PURB: variants seen among roughly 807,000 people sequenced by gnomAD.
The protein encoded by PURB is transcriptional regulator protein Pur-beta.
A neutral mutation model predicts 21.1 loss-of-function variants in PURB; 11 were observed. The observed-to-expected ratio is 0.52, with a 90% CI of 0.33 to 0.86. PURB has a LOEUF of 0.86. Among genes scored for constraint, PURB ranks in the 40% least tolerant of loss-of-function variants. The pLI is 0.02. For synonymous variants in PURB, 246 were observed against 210.8 expected, an observed-to-expected ratio of 1.17 and a Z score of -1.45; for missense variants, 357 against 456.5, an observed-to-expected ratio of 0.78 and a Z score of 1.99.
rs927014120 is a variant in PURB at position 44,882,615 on chromosome 7, A to G, written c.*1795T>C. 2.6e-5 allele frequency: 4 copies of G among 152,244 alleles called. No homozygotes were observed. The highest frequency in any genetic ancestry group is 9.6e-5 in the African/African-American group (4 of 41,464). The allele number at this position is 152,244 out of a possible 1,614,324, so 9.4% of individuals were successfully genotyped here. ...TATTACTCATTTCCCAATAAATACA[A>G]AAAGATTGTATAGATTGAATAATAC... On this transcript the variant is annotated 3_prime_UTR_variant, in exon 1 of 1. Transcript: ENST00000395699.
rs974677645 is a variant in PURB at position 44,878,812 on chromosome 7, G to C, written c.*5598C>G. ...TGATAATTGGACAATTTTCAAGTAA[G>C]AGTCTGTTAAATCCGTCAGTAATAA... is the stretch of plus-strand genomic sequence containing the variant. On this transcript the variant is annotated 3_prime_UTR_variant, in exon 1 of 1. Coordinates refer to ENST00000395699, the MANE Select transcript of PURB (RefSeq NM_033224.5). 2.6e-5 allele frequency: 4 copies of C among 152,428 alleles called. No homozygotes were observed. The highest frequency in any genetic ancestry group is 9.7e-5 in the African/African-American group (4 of 41,432). 9.4% of individuals were successfully genotyped at this position (152,428 alleles called of 1,614,324 possible). A position where few individuals can be genotyped will look rare whatever the true frequency, so the allele number is the denominator to read the frequency against.
At position 44,884,804 on chromosome 7, in the gene PURB, A is replaced by G; in HGVS notation, c.545T>C (p.Phe182Ser). Residue 182 changes from phenylalanine (F) to serine (S), a missense_variant, in exon 1 of 1, where the codon TTC (phenylalanine) becomes TCC (serine). Phe to Ser is a radical substitution (Grantham distance 155). Coordinates refer to ENST00000395699, the MANE Select transcript of PURB (RefSeq NM_033224.5). ...TATGAGCTTCGCCAGCGCGTCGCGGAACTCGATGAGGCCCTGCGCAGGCAG... is the reference window on the plus strand; with the variant it reads ...TATGAGCTTCGCCAGCGCGTCGCGGGACTCGATGAGGCCCTGCGCAGGCAG... The part of the protein sequence containing the change: ...IALPAQGLIE[F>S]RDALAKLIDD... 1 of 1,600,054 alleles carries G rather than the reference A, an allele frequency of 6.2e-7. No homozygotes were observed. The highest frequency in any genetic ancestry group is 8.5e-7 in the Non-Finnish European group (1 of 1,174,156).
At position 44,884,120 on chromosome 7, in the gene PURB, C is replaced by T. The variant is rs192414289; in HGVS notation, c.*290G>A. The T allele has an allele frequency of 2.1e-4, 119 of 572,234 alleles. No homozygotes were observed. The highest frequency in any genetic ancestry group is 1.9e-3 in the African/African-American group (102 of 53,334). The allele number at this position is 572,234 out of a possible 1,614,324, so 35.4% of individuals were successfully genotyped here. On this transcript the variant is annotated 3_prime_UTR_variant, in exon 1 of 1. Transcript: ENST00000395699. ...TCCAGGGATTATCCTGATGGGTTTA[C>T]GAACCTCAGTTGAGAAACAACAGAA...
rs1269423543 is a variant in PURB, at chr7:44,882,431, AAT to A, written c.*1977_*1978del. On this transcript the variant is annotated 3_prime_UTR_variant, in exon 1 of 1. Transcript: ENST00000395699. ...CTACTGTGGATGATGAGAGTAGAGA[AAT>A]AGTCTGAAAAGGGCACCAATGTTTG... 7.9e-5 allele frequency: 12 copies of A among 152,768 alleles called. No homozygotes were observed. Among genetic ancestry groups the A allele is most frequent in the Middle Eastern group, 3.4e-3 (1 of 294 alleles). 9.5% of individuals were successfully genotyped at this position (152,768 alleles called of 1,614,324 possible).
rs943546733 is a variant in PURB, at chr7:44,877,174, T to C, written c.*7236A>G. On this transcript the variant is annotated 3_prime_UTR_variant, in exon 1 of 1. Transcript: ENST00000395699. ...GTGAATAGTCTAAGAAAGCCACTGG[T>C]AGATACTATGATTGGCAGTGAAGAT... 6.6e-6 allele frequency: 1 copy of C among 152,630 alleles called. No homozygotes were observed. The highest frequency in any genetic ancestry group is 2.4e-5 in the African/African-American group (1 of 41,454). 9.5% of individuals were successfully genotyped at this position (152,630 alleles called of 1,614,324 possible).
Position 44,884,483 on chromosome 7 carries a change from T to G in PURB, c.866A>C (p.Lys289Thr), listed in dbSNP as rs763296168. 1.2e-6 allele frequency: 2 copies of G among 1,613,812 alleles called. No homozygotes were observed. The highest frequency in any genetic ancestry group is 1.7e-6 in the Non-Finnish European group (2 of 1,179,986). The change falls in exon 1 of 1, where the codon AAG becomes ACG. Residue 289 changes from lysine to threonine, a missense_variant. Lys to Thr is a moderately conservative substitution (Grantham distance 78, BLOSUM62 -1). Transcript: ENST00000395699. ...GCCCCCACCACGTCGCTCATAAAGCTTATCCCTCTGTCGTTCCTGGATTTC... is the reference window on the plus strand; with the variant it reads ...GCCCCCACCACGTCGCTCATAAAGCGTATCCCTCTGTCGTTCCTGGATTTC... Reference protein sequence around the residue: ...MKEIQERQRDKLYERRGGGSG... With the variant: ...MKEIQERQRDTLYERRGGGSG...
rs753038925 is a variant in PURB, at chr7:44,885,184, C to T, written c.165G>A (p.Lys55=). Residue 55 remains lysine (K), a synonymous_variant, in exon 1 of 1, where the codon AAG becomes AAA. Coordinates refer to ENST00000395699, the MANE Select transcript of PURB (RefSeq NM_033224.5). ...CCTCGGCGATCTTGAGGAAGCGGCC[C>T]TTGGCGTTCTGCTTCACATCTAAGT... ...RFYLDVKQNA[K]GRFLKIAEVG... 3.1e-6 allele frequency: 5 copies of T among 1,588,270 alleles called. No homozygotes were observed. The highest frequency in any genetic ancestry group is 4.8e-5 in the East Asian group (2 of 42,050).
rs1312711814 is a variant in PURB at position 44,882,250 on chromosome 7, T to C, written c.*2160A>G. The C allele has an allele frequency of 6.6e-6, 1 of 152,634 alleles. No individual in the cohort carries two copies. The highest frequency in any genetic ancestry group is 2.4e-5 in the African/African-American group (1 of 41,452). The allele number at this position is 152,634 out of a possible 1,614,324, so 9.5% of individuals were successfully genotyped here. Reference sequence around the variant, plus strand: ...CGTAGGTAAATACAGCAGGACATTATTGAAAAACAGCTGCCTTGTAGTACA... The same window carrying C: ...CGTAGGTAAATACAGCAGGACATTACTGAAAAACAGCTGCCTTGTAGTACA... On this transcript the variant is annotated 3_prime_UTR_variant, in exon 1 of 1. Coordinates refer to ENST00000395699, the MANE Select transcript of PURB (RefSeq NM_033224.5).
rs377312342 is a variant in PURB at position 44,884,717 on chromosome 7, G to A, written c.632C>T (p.Pro211Leu). Reference protein sequence around the residue: ...AGGPGGGAGGPGGGLYGELPE... With the variant: ...AGGPGGGAGGLGGGLYGELPE... ...GAGCTCTCCATACAGGCCGCCCCCT[G>A]GGCCCCCGGCGCCGCCTCCCGGGCC... Residue 211 changes from proline (P) to leucine (L), a missense_variant, in exon 1 of 1, where the codon CCA (proline) becomes CTA (leucine). By Grantham distance (98) the Pro-to-Leu change is moderately conservative (BLOSUM62 -3). Transcript: ENST00000395699. The A allele has an allele frequency of 7.3e-5, 117 of 1,612,934 alleles. 2 individuals are homozygous for A. The East Asian group carries it at 7.6e-4, about 10-fold the overall frequency.
rs1277942450 is a variant in PURB, at chr7:44,878,698, TAC to T, written c.*5710_*5711del. ...ATAAAGGCCTTACTTGGATCAGGGG[TAC>T]AGATATCAATTGGGAATCTCTAAGG... On this transcript the variant is annotated 3_prime_UTR_variant, in exon 1 of 1. Coordinates refer to ENST00000395699, the MANE Select transcript of PURB (RefSeq NM_033224.5). 1 of 152,668 alleles carries T rather than the reference TAC, an allele frequency of 6.6e-6. No homozygotes were observed. The highest frequency in any genetic ancestry group is 1.5e-5 in the Non-Finnish European group (1 of 68,042). 9.5% of individuals were successfully genotyped at this position (152,668 alleles called of 1,614,324 possible).
rs1398695453 is a variant in PURB, at chr7:44,882,927, AGAG to A, written c.*1480_*1482del. ...ACTGAAAATCCATTTAAAATATAGAAGAGGCGATCCTTGAAAACCCCAACTTTT... is the reference window on the plus strand; with the variant it reads ...ACTGAAAATCCATTTAAAATATAGAAGCGATCCTTGAAAACCCCAACTTTT... On this transcript the variant is annotated 3_prime_UTR_variant, in exon 1 of 1. Coordinates refer to ENST00000395699, the MANE Select transcript of PURB (RefSeq NM_033224.5). 6.6e-6 allele frequency: 1 copy of A among 152,240 alleles called. No individual in the cohort carries two copies. The highest frequency in any genetic ancestry group is 1.5e-5 in the Non-Finnish European group (1 of 68,042). 9.4% of individuals were successfully genotyped at this position (152,240 alleles called of 1,614,324 possible). A position where few individuals can be genotyped will look rare whatever the true frequency, so the allele number is the denominator to read the frequency against.
Position 44,878,607 on chromosome 7 carries a change from C to T in PURB, c.*5803G>A, listed in dbSNP as rs6971158. On this transcript the variant is annotated 3_prime_UTR_variant, in exon 1 of 1. Transcript: ENST00000395699. ...TGAGTTAGATTTTCAAATTAAATGA[C>T]TGTGAATAGAGGTGATTACACTGAT... 115,389 of 152,514 alleles carry T rather than the reference C, an allele frequency of 0.76. 46,187 individuals carry two copies. The highest frequency in any genetic ancestry group is 0.9 in the Non-Finnish European group (61,355 of 68,018). 9.4% of individuals were successfully genotyped at this position (152,514 alleles called of 1,614,324 possible). A position where few individuals can be genotyped will look rare whatever the true frequency, so the allele number is the denominator to read the frequency against.
Position 44,882,535 on chromosome 7 carries a change from T to G in PURB, c.*1875A>C, listed in dbSNP as rs1368834147. 1.3e-5 allele frequency: 2 copies of G among 152,494 alleles called. No individual in the cohort carries two copies. Among genetic ancestry groups the G allele is most frequent in the East Asian group, 3.8e-4 (2 of 5,204 alleles). The allele number at this position is 152,494 out of a possible 1,614,324, so 9.4% of individuals were successfully genotyped here. A position where few individuals can be genotyped will look rare whatever the true frequency, so the allele number is the denominator to read the frequency against. On this transcript the variant is annotated 3_prime_UTR_variant, in exon 1 of 1. Coordinates refer to ENST00000395699, the MANE Select transcript of PURB (RefSeq NM_033224.5). Reference sequence around the variant, plus strand: ...ATTTTTTTAAAAAAGCCTAATTTTATGTACACAATTATTTCCCGCCCTCTC... The same window carrying G: ...ATTTTTTTAAAAAAGCCTAATTTTAGGTACACAATTATTTCCCGCCCTCTC...
rs1463233625 is a variant in PURB at position 44,883,990 on chromosome 7, A to C, written c.*420T>G. 6 of 210,510 alleles carry C rather than the reference A, an allele frequency of 2.9e-5. No homozygotes were observed. Among genetic ancestry groups the C allele is most frequent in the African/African-American group, 1.4e-4 (6 of 43,026 alleles). 13.0% of individuals were successfully genotyped at this position (210,510 alleles called of 1,614,324 possible). A position where few individuals can be genotyped will look rare whatever the true frequency, so the allele number is the denominator to read the frequency against. On this transcript the variant is annotated 3_prime_UTR_variant, in exon 1 of 1. Transcript: ENST00000395699. ...CACCGCAACAGTGAGGCCTAGAGAG[A>C]TCTTTTATGCCAGATTACCCAGGTG...
In PURB at chr7:44,877,755, G is replaced by T. The variant is rs1000931328; in HGVS notation, c.*6655C>A. On this transcript the variant is annotated 3_prime_UTR_variant, in exon 1 of 1. Transcript: ENST00000395699. ...GGAGGCAAAGGTTGCAGTGAGCTGA[G>T]ATCAAGCCACTACACTCACTCCAGC... The T allele has an allele frequency of 6.6e-6, 1 of 151,322 alleles. No homozygotes were observed. Among genetic ancestry groups the T allele is most frequent in the Non-Finnish European group, 1.5e-5 (1 of 67,998 alleles). The allele number at this position is 151,322 out of a possible 1,614,324, so 9.4% of individuals were successfully genotyped here.
Position 44,880,051 on chromosome 7 carries a change from C to T in PURB, c.*4359G>A, listed in dbSNP as rs1238225901. The T allele has an allele frequency of 6.6e-6, 1 of 152,178 alleles. No homozygotes were observed. The highest frequency in any genetic ancestry group is 2.4e-5 in the African/African-American group (1 of 41,436). The allele number at this position is 152,178 out of a possible 1,614,324, so 9.4% of individuals were successfully genotyped here. A position where few individuals can be genotyped will look rare whatever the true frequency, so the allele number is the denominator to read the frequency against. ...AAGAATTAAAAATAGTGGGACTTTACACCACTATATTCTAAAACCTGAGAT... is the reference window on the plus strand; with the variant it reads ...AAGAATTAAAAATAGTGGGACTTTATACCACTATATTCTAAAACCTGAGAT... On this transcript the variant is annotated 3_prime_UTR_variant, in exon 1 of 1. Transcript: ENST00000395699.
Position 44,885,493 on chromosome 7 carries a change from G to C in PURB, c.-145C>G, listed in dbSNP as rs1793946640. 5.8e-6 allele frequency: 1 copy of C among 173,704 alleles called. No homozygotes were observed. Among genetic ancestry groups the C allele is most frequent in the African/African-American group, 2.4e-5 (1 of 41,594 alleles). 10.8% of individuals were successfully genotyped at this position (173,704 alleles called of 1,614,324 possible). On this transcript the variant is annotated 5_prime_UTR_variant, in exon 1 of 1. Transcript: ENST00000395699. ...CGCCGGCCGCCGCCGCCCCCCCATC[G>C]CCTCCGCGCCCCGCCCCCGCGACTT... is the stretch of plus-strand genomic sequence containing the variant.
In PURB at chr7:44,884,444, TCGC is replaced by T. The variant is rs1384060952; in HGVS notation, c.902_904del (p.Gly301del). 2 of 1,613,678 alleles carry T rather than the reference TCGC, an allele frequency of 1.2e-6. No homozygotes were observed. Among genetic ancestry groups the T allele is most frequent in the Non-Finnish European group, 8.5e-7 (1 of 1,180,012 alleles). ...ATCCACCTCCTCACCCTCTGACTCT[TCGC>T]CGCCGCCGCTGCCCCCACCACGTCG... On this transcript the variant is annotated inframe_deletion, in exon 1 of 1. Transcript: ENST00000395699.
In PURB at chr7:44,879,757, CAG is replaced by C. The variant is rs1310487741; in HGVS notation, c.*4651_*4652del. 1 of 152,590 alleles carries C rather than the reference CAG, an allele frequency of 6.6e-6. No individual in the cohort carries two copies. The highest frequency in any genetic ancestry group is 1.5e-5 in the Non-Finnish European group (1 of 68,024). The allele number at this position is 152,590 out of a possible 1,614,324, so 9.5% of individuals were successfully genotyped here. ...AGCAAAGATTTCTACTCTTCTTACACAGAGTTAGAACAATATTCATAAGCAAT... is the reference window on the plus strand; with the variant it reads ...AGCAAAGATTTCTACTCTTCTTACACAGTTAGAACAATATTCATAAGCAAT... On this transcript the variant is annotated 3_prime_UTR_variant, in exon 1 of 1. Coordinates refer to ENST00000395699, the MANE Select transcript of PURB (RefSeq NM_033224.5).
Sources: gnomAD v4.1 joint callset for allele counts on GRCh38, gnomAD v4.1.1 for gene constraint, MANE v1.5 for transcripts, NCBI Gene and HGNC (gene_info 2026-07-23, HGNC 2026-07-21) for gene names.